The following SDCBP2 variants were observed in gnomAD, a reference collection of about 807,000 sequenced individuals.
The protein encoded by SDCBP2 is syndecan binding protein 2, also known as syntenin-2.
A neutral mutation model predicts 30.7 loss-of-function variants in SDCBP2; 28 were observed. The observed-to-expected ratio is 0.91, with a 90% CI of 0.68 to 1.25. SDCBP2 has a LOEUF of 1.25. SDCBP2 is among the 50% of genes most tolerant of loss of function. The pLI, the probability that SDCBP2 is intolerant of heterozygous loss-of-function variation, is 0.00. For synonymous variants in SDCBP2, 166 were observed against 157.3 expected (o/e 1.06, Z -0.41); for missense variants, 399 against 379.0 (o/e 1.05, Z -0.44).
intron 6 of SDCBP2, 26 bp from the exon 7 acceptor site, chr20:1,312,534 C>T (rs371425103): frequency 2.1e-5 from 34 of 1,613,980 alleles, no homozygotes; most frequent in Non-Finnish European, 2.8e-5. Context: ...GTGAGCTGTC[C>T]TGGGGACATG....
chr20:1,313,738 T>C lies in SDCBP2; in HGVS notation c.226-240A>G, dbSNP rs1318944511. On this transcript the variant is annotated intron_variant, in intron 4 of 8. Transcript: ENST00000360779. The surrounding 1 kb of genome is among the most constrained non-coding windows in gnomAD (Gnocchi z 5.2). ...AAAACGGGGAGGGAAGGGGCGAGGA[T>C]ACAGGAAGAGGCCCTTCATTTCCCA... 7 of 1,107,486 alleles carry C rather than the reference T, an allele frequency of 6.3e-6. No homozygotes were observed. The highest frequency in any genetic ancestry group is 1.6e-5 in the African/African-American group (1 of 61,624). The allele number at this position is 1,107,486 out of a possible 1,614,324, so 68.6% of individuals were successfully genotyped here. A position where few individuals can be genotyped will look rare whatever the true frequency, so the allele number is the denominator to read the frequency against.
intron 4 of SDCBP2, among the ~76,000 whole-genome samples, chr20:1,314,461 C>T (rs866590043): frequency 5.3e-5 from 6 of 113,122 alleles, no homozygotes; most frequent in Middle Eastern, 8.3e-3. Context: ...CTCAGTCCAG[C>T]CTAGGTGACA....
At position 1,324,444 on chromosome 20, in the gene SDCBP2, G is replaced by C. The variant is rs1463304204; in HGVS notation, c.-19-4009C>G. The C allele has an allele frequency of 1.3e-5, 2 of 152,108 alleles. No individual in the cohort carries two copies. The highest frequency in any genetic ancestry group is 1.9e-4 in the East Asian group (1 of 5,192). 9.4% of individuals were successfully genotyped at this position (152,108 alleles called of 1,614,324 possible). On this transcript the variant is annotated intron_variant, in intron 1 of 8. Transcript: ENST00000360779. The surrounding 1 kb of genome is among the most constrained non-coding windows in gnomAD (Gnocchi z 4.7). ...ACAGTCATATCCCTGTCGGGGGTGGGGGGGGCAGGGATATGAAACTCCTGT... is the reference window on the plus strand; with the variant it reads ...ACAGTCATATCCCTGTCGGGGGTGGCGGGGGCAGGGATATGAAACTCCTGT...
intron 4 of SDCBP2, chr20:1,317,516 T>C (rs576190713): frequency 6.5e-6 from 1 of 152,808 alleles, no homozygotes; most frequent in East Asian, 1.9e-4. Flanking sequence ...CTTCTTTGCT[T>C]CATGTCTGCC....
At chr20:1,325,940 C>CTT (rs1258160340) in intron 1 of SDCBP2, 2 of 152,214 alleles carry the variant, frequency 1.3e-5, no homozygotes, top group Non-Finnish European at 2.9e-5. Context: ...AGTGACTGGG[C>CTT]TTCTGCTGCC....
chr20:1,318,329 C>G lies in SDCBP2; in HGVS notation c.214G>C (p.Glu72Gln). Residue 72 changes from glutamate to glutamine, a missense_variant, in exon 4 of 9, where the codon GAG (glutamate) becomes CAG (glutamine). Transcript: ENST00000360779. ...AGCCAAATACATACACTGTCACCCTCTGGAATCTGAAGCAGGCTCTCCTGG... is the reference window on the plus strand; with the variant it reads ...AGCCAAATACATACACTGTCACCCTGTGGAATCTGAAGCAGGCTCTCCTGG... ...EVQESLLQIPEGDSTAVSGPG... is the reference protein window; with the variant it reads ...EVQESLLQIPQGDSTAVSGPG... 6.2e-7 allele frequency: 1 copy of G among 1,612,768 alleles called. No individual in the cohort carries two copies. The highest frequency in any genetic ancestry group is 8.5e-7 in the Non-Finnish European group (1 of 1,178,842).
chr20:1,315,978 C>T (rs2088770986), intron 4 of SDCBP2, among the ~76,000 whole-genome samples: 1 of 152,156 alleles, frequency 6.6e-6, no homozygotes, highest in Admixed American at 6.5e-5. Context: ...TGGTGTGCAC[C>T]TGTGGTCCCA....
rs529200776 is a variant in SDCBP2 at position 1,313,040 on chromosome 20, T to A, written c.385-278A>T. ...CACAAAGGCATGGGCTTCCCTGGCG[T>A]CGGCTGTCTACACCGTCGCCTGGAA... On this transcript the variant is annotated intron_variant, in intron 5 of 8. Coordinates refer to ENST00000360779, the MANE Select transcript of SDCBP2 (RefSeq NM_080489.5). The surrounding 1 kb of genome is among the most constrained non-coding windows in gnomAD (Gnocchi z 5.2). 4.1e-5 allele frequency: 24 copies of A among 585,548 alleles called. No homozygotes were observed. The highest frequency in any genetic ancestry group is 7.0e-5 in the Non-Finnish European group (23 of 329,518). The allele number at this position is 585,548 out of a possible 1,614,324, so 36.3% of individuals were successfully genotyped here.
chr20:1,322,040 C>T (rs2088856517), intron 1 of SDCBP2: 1 of 152,274 alleles, frequency 6.6e-6, no homozygotes, highest in African/African-American at 2.4e-5. Flanking sequence ...TCTACCTCTC[C>T]AGCTTCATTT....
chr20:1,311,699 C>T (rs1402824108), intron 7 of SDCBP2, among the ~76,000 whole-genome samples: 1 of 152,142 alleles, frequency 6.6e-6, no homozygotes, highest in Non-Finnish European at 1.5e-5. Context: ...CTGGGACAAA[C>T]CCAGTTCTGA....
At chr20:1,317,683 T>A in intron 4 of SDCBP2, 1 of 186,684 alleles carries the variant, frequency 5.4e-6, no homozygotes, top group Non-Finnish European at 1.1e-5. Context: ...CAGTTCTCTA[T>A]CATCATATCC....
intron 1 of SDCBP2, among the ~76,000 whole-genome samples, chr20:1,326,803 A>T (rs1432675216): frequency 6.6e-6 from 1 of 152,110 alleles, no homozygotes; most frequent in East Asian, 1.9e-4. Flanking sequence ...TCATTTGTTA[A>T]CCCCCAGTGC....
chr20:1,311,900 C>CTTTTTTT (rs11471529), intron 7 of SDCBP2, among the ~76,000 whole-genome samples: 1,318 of 120,996 alleles, frequency 0.011, 79 homozygotes, highest in African/African-American at 0.034. Context: ...GGTACACTGT[C>CTTTTTTT]TTTTTTTTTT....
chr20:1,314,845 TA>T (rs149946537), intron 4 of SDCBP2, among the ~76,000 whole-genome samples: 2,008 of 152,186 alleles, frequency 0.013, 36 homozygotes, highest in African/African-American at 0.046. Context: ...AAAATACTGA[TA>T]AAAGATATCA....
In SDCBP2 at chr20:1,313,379, C is replaced by G; in HGVS notation, c.345G>C (p.Glu115Asp). Residue 115 changes from glutamate (E) to aspartate (D), a missense_variant, in exon 5 of 9, where the codon GAG becomes GAC. Glu to Asp is a conservative substitution (Grantham distance 45). Transcript: ENST00000360779. This position sits in a 1 kb window ranked among gnomAD's most constrained non-coding sequence, Gnocchi z 5.2. ...GVREIHLCKD[E>D]RGKTGLRLRK... Reference sequence around the variant, plus strand: ...GCAGCCTCAGCCCGGTCTTGCCGCGCTCGTCCTTGCACAGGTGGATCTCGC... The same window carrying G: ...GCAGCCTCAGCCCGGTCTTGCCGCGGTCGTCCTTGCACAGGTGGATCTCGC... 5.0e-6 allele frequency: 8 copies of G among 1,611,438 alleles called. No individual in the cohort carries two copies. The highest frequency in any genetic ancestry group is 5.9e-6 in the Non-Finnish European group (7 of 1,179,550).
At position 1,310,843 on chromosome 20, in the gene SDCBP2, G is replaced by T. The variant is rs2088654461; in HGVS notation, c.781C>A (p.Leu261Met). ...TAGATCACACTGGGGATGATGGTCA[G>T]GGTGACAACGTTCCCAGCCGTGGCC... ...ILATAGNVVT[L>M]TIIPSVIYEH... The change falls in exon 8 of 9, where the codon CTG (leucine) becomes ATG (methionine). Residue 261 changes from leucine to methionine, a missense_variant. Physicochemically the swap from Leu to Met is conservative, Grantham distance 15. Transcript: ENST00000360779. 6.2e-7 allele frequency: 1 copy of T among 1,613,932 alleles called. No individual in the cohort carries two copies. Among genetic ancestry groups the T allele is most frequent in the Non-Finnish European group, 8.5e-7 (1 of 1,179,966 alleles).
chr20:1,312,577 G>C lies in SDCBP2; in HGVS notation c.560+10C>G. ...TGAGACGGAGAGGCTGCCCGGGCCTGGCTACTCACCTGTCCCGAACCACCA... is the reference window on the plus strand; with the variant it reads ...TGAGACGGAGAGGCTGCCCGGGCCTCGCTACTCACCTGTCCCGAACCACCA... On this transcript the variant is annotated intron_variant, in intron 6 of 8. Transcript: ENST00000360779. The C allele has an allele frequency of 1.9e-6, 3 of 1,613,420 alleles. No individual in the cohort carries two copies. Among genetic ancestry groups the C allele is most frequent in the Non-Finnish European group, 2.5e-6 (3 of 1,179,460 alleles).
intron 2 of SDCBP2, 23 bp from the exon 3 acceptor site, chr20:1,319,682 G>A (rs374713513): frequency 1.8e-5 from 27 of 1,530,874 alleles, no homozygotes; most frequent in African/African-American, 2.7e-5. Context: ...AGGGAGCACT[G>A]GTCAGCTGTG....
chr20:1,320,729 T>C lies in SDCBP2; in HGVS notation c.-19-294A>G. The C allele has an allele frequency of 4.1e-6, 1 of 243,074 alleles. No individual in the cohort carries two copies. The highest frequency in any genetic ancestry group is 8.2e-5 in the South Asian group (1 of 12,232). The allele number at this position is 243,074 out of a possible 1,614,324, so 15.1% of individuals were successfully genotyped here. A position where few individuals can be genotyped will look rare whatever the true frequency, so the allele number is the denominator to read the frequency against. On this transcript the variant is annotated intron_variant, in intron 1 of 8. Transcript: ENST00000360779. The surrounding 1 kb of genome is among the most constrained non-coding windows in gnomAD (Gnocchi z 4.7). ...ACAAACTGTAGCAGAACTTAGACAC[T>C]CAACAGGGCACTGCTCCAGAGGGAG...
Sources: gnomAD v4.1 joint callset for allele counts (sites outside exome capture counted in the v4.1 genomes callset) on GRCh38, gnomAD v4.1.1 for gene constraint, Gnocchi (gnomAD v3.1) non-coding constraint, MANE v1.5 for transcripts, NCBI Gene and HGNC (gene_info 2026-07-23, HGNC 2026-07-21) for gene names.